SULF1: variants seen among roughly 807,000 people sequenced by gnomAD.
SULF1 encodes sulfatase 1.
Under a neutral mutation model 110.5 loss-of-function variants are expected in SULF1, and 46 were observed. That is an observed-to-expected ratio of 0.42 (90% CI 0.33 to 0.53). SULF1 has a LOEUF of 0.53. SULF1 is among the 20% of genes least tolerant of loss of function. The pLI is 0.12. For synonymous variants in SULF1, 371 were observed against 387.1 expected (o/e 0.96, Z 0.49); for missense variants, 941 against 1,094.2 (o/e 0.86, Z 1.98).
At chr8:69,541,248 A>G (rs1813832801) in intron 3 of SULF1, among the ~76,000 whole-genome samples, 1 of 152,216 alleles carries the variant, frequency 6.6e-6, no homozygotes, top group Non-Finnish European at 1.5e-5. Context: ...GCAAATTGAT[A>G]TGGAATGGCC....
intron 14 of SULF1, among the ~76,000 whole-genome samples, chr8:69,621,967 A>G (rs982054640): frequency 1.3e-5 from 2 of 152,252 alleles, no homozygotes; most frequent in African/African-American, 4.8e-5. Context: ...GTTTGGAAAG[A>G]AGCAATTTAA....
chr8:69,580,644 T>A (rs897963821), intron 6 of SULF1, among the ~76,000 whole-genome samples: 2 of 152,196 alleles, frequency 1.3e-5, no homozygotes, highest in African/African-American at 4.8e-5. Flanking sequence ...AATTGTGGTA[T>A]TTGAATTATA....
chr8:69,551,846 C>T (rs1814741343), intron 3 of SULF1, among the ~76,000 whole-genome samples: 1 of 152,172 alleles, frequency 6.6e-6, no homozygotes, highest in Non-Finnish European at 1.5e-5. Flanking sequence ...AATCCCAGCA[C>T]TTTGAGAGGC....
At chr8:69,611,875 C>T (rs866004694) in intron 13 of SULF1, among the ~76,000 whole-genome samples, 1 of 151,886 alleles carries the variant, frequency 6.6e-6, no homozygotes, top group Non-Finnish European at 1.5e-5. Flanking sequence ...CAATAGTTTT[C>T]GGGATACAAG....
chr8:69,656,498 T>G lies in SULF1; in HGVS notation c.2586-2007T>G, dbSNP rs187190696. Among the ~76,000 whole-genome samples, 555 of 152,234 alleles carry G rather than the reference T, an allele frequency of 3.6e-3. 4 individuals carry two copies. Among genetic ancestry groups the G allele is most frequent in the Non-Finnish European group, 4.6e-3 (312 of 68,002 alleles). On this transcript the variant is annotated intron_variant, in intron 22 of 22. Transcript: ENST00000402687. ...CCAACAACCCCACAACAAGCCCCAG[T>G]GTTAGATAGTTCCCCTTCCTGTGTC...
rs117166599 is a variant in SULF1, at chr8:69,628,873, G to A, written c.2109-631G>A. Among the ~76,000 whole-genome samples the A allele has an allele frequency of 2.6e-3, 397 of 152,218 alleles. 1 individual carries two copies. The highest frequency in any genetic ancestry group is 8.7e-3 in the East Asian group (45 of 5,166). On this transcript the variant is annotated intron_variant, in intron 18 of 22. Transcript: ENST00000402687. ...ATTGGTACTCGGCTGCCAAAAAAATGAGCCATTTGTCCAAAGAGTGTGGCT... is the reference window on the plus strand; with the variant it reads ...ATTGGTACTCGGCTGCCAAAAAAATAAGCCATTTGTCCAAAGAGTGTGGCT...
intron 2 of SULF1, among the ~76,000 whole-genome samples, chr8:69,496,499 C>T (rs1810369164): frequency 6.6e-6 from 1 of 152,166 alleles, no homozygotes; most frequent in South Asian, 2.1e-4. Flanking sequence ...CAAAAAGGAA[C>T]CGTTAACATC....
At chr8:69,631,690 G>A (rs1418154469) in intron 19 of SULF1, among the ~76,000 whole-genome samples, 1 of 152,224 alleles carries the variant, frequency 6.6e-6, no homozygotes, top group East Asian at 1.9e-4. Flanking sequence ...TATTCCACAA[G>A]CATCTCAAGC....
intron 19 of SULF1, chr8:69,638,240 A>G (rs989323510): frequency 1.2e-5 from 5 of 433,800 alleles, no homozygotes; most frequent in African/African-American, 1.0e-4. Context: ...AGCTAAGGGG[A>G]GGATAAACTA....
intron 5 of SULF1, among the ~76,000 whole-genome samples, chr8:69,575,199 G>GT (rs573518232): frequency 4.9e-3 from 688 of 140,828 alleles, no homozygotes; most frequent in Middle Eastern, 7.5e-3. Flanking sequence ...AATCGAAATA[G>GT]TTTTTTTTTT....
At chr8:69,563,165 T>C (rs534934826) in intron 3 of SULF1, 2 of 152,552 alleles carry the variant, frequency 1.3e-5, no homozygotes, top group Non-Finnish European at 2.9e-5. Flanking sequence ...CTCCCCAACA[T>C]GCCCCTTGCG....
chr8:69,507,823 TA>T (rs143015866), intron 3 of SULF1, among the ~76,000 whole-genome samples: 13 of 151,390 alleles, frequency 8.6e-5, no homozygotes, highest in African/African-American at 1.5e-4. Flanking sequence ...CATGAAAATG[TA>T]AAAAAAAATG....
intron 13 of SULF1, among the ~76,000 whole-genome samples, chr8:69,609,408 A>T (rs542025413): frequency 6.6e-6 from 1 of 152,356 alleles, no homozygotes; most frequent in South Asian, 2.1e-4. Context: ...CACTTGAAAA[A>T]TGCTGATGCA....
intron 7 of SULF1, among the ~76,000 whole-genome samples, chr8:69,588,218 C>T (rs1469653645): frequency 6.6e-6 from 1 of 151,552 alleles, no homozygotes; most frequent in African/African-American, 2.4e-5. Flanking sequence ...CCTGCATCAG[C>T]CCCCCCTGAC....
At chr8:69,623,402 G>A (rs936717386) in intron 14 of SULF1, among the ~76,000 whole-genome samples, 3 of 152,116 alleles carry the variant, frequency 2.0e-5, no homozygotes, top group Non-Finnish European at 4.4e-5. Context: ...ATAAAATAAG[G>A]ATGAACCGGT....
intron 3 of SULF1, among the ~76,000 whole-genome samples, chr8:69,561,500 G>A (rs1815482461): frequency 1.3e-5 from 2 of 152,174 alleles, no homozygotes; most frequent in South Asian, 4.1e-4. Context: ...AGAATAACTA[G>A]CAATGTTGAT....
chr8:69,618,695 A>C (rs746549731), intron 13 of SULF1, among the ~76,000 whole-genome samples: 1 of 152,226 alleles, frequency 6.6e-6, no homozygotes, highest in Non-Finnish European at 1.5e-5. Context: ...GGCTTGAAAC[A>C]ACCAAATTCA....
At chr8:69,580,798 A>G (rs957225067) in intron 6 of SULF1, among the ~76,000 whole-genome samples, 7 of 152,196 alleles carry the variant, frequency 4.6e-5, no homozygotes, top group African/African-American at 1.7e-4. Context: ...GTCATAAATC[A>G]AAATCATAGA....
At chr8:69,510,351 T>C (rs1811468977) in intron 3 of SULF1, among the ~76,000 whole-genome samples, 1 of 152,214 alleles carries the variant, frequency 6.6e-6, no homozygotes. Context: ...GGTTTGAATT[T>C]CCACTCTGCC....
Sources: gnomAD v4.1 joint callset for allele counts (sites outside exome capture counted in the v4.1 genomes callset) on GRCh38, gnomAD v4.1.1 for gene constraint, MANE v1.5 for transcripts, NCBI Gene and HGNC (gene_info 2026-07-23, HGNC 2026-07-21) for gene names.